SAV1: variants seen among roughly 807,000 people sequenced by gnomAD.
The protein encoded by SAV1 is salvador family WW domain containing protein 1.
A neutral mutation model predicts 47.3 loss-of-function variants in SAV1; 23 were observed. The ratio of observed to expected loss-of-function variants is 0.49; its 90% CI spans 0.35 to 0.69. SAV1 has a LOEUF of 0.69. SAV1 is among the 30% of genes least tolerant of loss of function. SAV1 has a pLI of 0.01. For missense variants in SAV1, 448 were observed against 457.4 expected (o/e 0.98, Z 0.19); for synonymous variants, 155 against 159.2 (o/e 0.97, Z 0.20).
intron 2 of SAV1, among the ~76,000 whole-genome samples, chr14:50,651,966 T>C (rs760517926): frequency 6.6e-6 from 1 of 152,192 alleles, no homozygotes; most frequent in Non-Finnish European, 1.5e-5. Context: ...CATCGGGAAA[T>C]ATCCTAAATT....
chr14:50,641,913 G>A (rs2039683232), intron 3 of SAV1, among the ~76,000 whole-genome samples: 1 of 152,186 alleles, frequency 6.6e-6, no homozygotes, highest in Non-Finnish European at 1.5e-5. Flanking sequence ...GTGTGCACAT[G>A]TTAATTGCAG....
At chr14:50,641,978 G>C (rs188839493) in intron 3 of SAV1, among the ~76,000 whole-genome samples, 1 of 152,110 alleles carries the variant, frequency 6.6e-6, no homozygotes, top group African/African-American at 2.4e-5. Flanking sequence ...TCAATGGTGG[G>C]CTGGATAAAG....
intron 4 of SAV1, among the ~76,000 whole-genome samples, chr14:50,639,697 C>A (rs1398548182): frequency 6.6e-6 from 1 of 151,972 alleles, no homozygotes; most frequent in Non-Finnish European, 1.5e-5. Flanking sequence ...ATCTCTTCCC[C>A]CAAAAAGGAA....
intron 2 of SAV1, among the ~76,000 whole-genome samples, chr14:50,648,604 C>T (rs1192359302): frequency 6.6e-6 from 1 of 151,954 alleles, no homozygotes; most frequent in East Asian, 1.9e-4. Flanking sequence ...ACGGTGAAAC[C>T]CCATCTCTAC....
chr14:50,635,290 G>C lies in SAV1; in HGVS notation c.1045C>G (p.Gln349Glu). ...LKLLFMKELE[Q>E]IVKMYEAYRQ... ...TATGCTTCATACATTTTAACAATCT[G>C]CTCCAATTCTTTCATGAAGAGCAAC... The change falls in exon 5 of 5, where the codon CAG becomes GAG. Residue 349 changes from glutamine to glutamate, a missense_variant. By Grantham distance (29) the Gln-to-Glu change is conservative. Transcript: ENST00000324679. 1 of 1,614,036 alleles carries C rather than the reference G, an allele frequency of 6.2e-7. No homozygotes were observed. Among genetic ancestry groups the C allele is most frequent in the Non-Finnish European group, 8.5e-7 (1 of 1,179,982 alleles).
Position 50,634,279 on chromosome 14 carries a change from G to A in SAV1, c.*904C>T, listed in dbSNP as rs1013311658. 3.0e-5 allele frequency: 11 copies of A among 367,328 alleles called. No homozygotes were observed. The highest frequency in any genetic ancestry group is 1.6e-4 in the East Asian group (2 of 12,252). The allele number at this position is 367,328 out of a possible 1,614,324, so 22.8% of individuals were successfully genotyped here. A position where few individuals can be genotyped will look rare whatever the true frequency, so the allele number is the denominator to read the frequency against. On this transcript the variant is annotated 3_prime_UTR_variant, in exon 5 of 5. Coordinates refer to ENST00000324679, the MANE Select transcript of SAV1 (RefSeq NM_021818.4). ...GTATTCCTGAAAGATTAAAAGGCCC[G>A]TCACCCATTCATACCAAAAAATACT... is the stretch of plus-strand genomic sequence containing the variant.
At chr14:50,657,493 G>C (rs556709571) in intron 2 of SAV1, among the ~76,000 whole-genome samples, 1 of 152,262 alleles carries the variant, frequency 6.6e-6, no homozygotes, top group Non-Finnish European at 1.5e-5. Context: ...GTGGTATAAG[G>C]TCAAATGCAA....
At chr14:50,661,483 G>T (rs1017771587) in intron 2 of SAV1, among the ~76,000 whole-genome samples, 6 of 152,118 alleles carry the variant, frequency 3.9e-5, no homozygotes, top group African/African-American at 1.4e-4. Flanking sequence ...TTTGTTGCCT[G>T]TGCTTTTGAG....
intron 2 of SAV1, among the ~76,000 whole-genome samples, chr14:50,659,073 ATTTTT>A (rs33946852): frequency 7.6e-5 from 10 of 131,140 alleles, no homozygotes; most frequent in African/African-American, 1.2e-4. Flanking sequence ...GCTGTAAAGA[ATTTTT>A]TTTTTTTTTT....
chr14:50,661,147 T>C (rs923619620), intron 2 of SAV1, among the ~76,000 whole-genome samples: 3 of 152,250 alleles, frequency 2.0e-5, no homozygotes, highest in Non-Finnish European at 2.9e-5. Flanking sequence ...TTTTTAACAA[T>C]AGCCATTCTG....
At chr14:50,640,210 C>T (rs2039670318) in intron 4 of SAV1, among the ~76,000 whole-genome samples, 1 of 152,178 alleles carries the variant, frequency 6.6e-6, no homozygotes, top group South Asian at 2.1e-4. Context: ...ACTTGAACTC[C>T]TCAGATCAAG....
intron 3 of SAV1, among the ~76,000 whole-genome samples, chr14:50,642,036 GAACA>G (rs2039684303): frequency 6.6e-6 from 1 of 152,140 alleles, no homozygotes; most frequent in Non-Finnish European, 1.5e-5. Flanking sequence ...CCATAAAAAA[GAACA>G]AGAGCATGTA....
At position 50,640,680 on chromosome 14, in the gene SAV1, G is replaced by A. The variant is rs1488729945; in HGVS notation, c.950+70C>T. 18 of 1,399,898 alleles carry A rather than the reference G, an allele frequency of 1.3e-5. No individual in the cohort carries two copies. In the East Asian group the frequency reaches 3.4e-4, roughly 26 times the overall value. 86.7% of individuals were successfully genotyped at this position (1,399,898 alleles called of 1,614,324 possible). A position where few individuals can be genotyped will look rare whatever the true frequency, so the allele number is the denominator to read the frequency against. Reference sequence around the variant, plus strand: ...TAAAATATGGCACACTACTTGGATCGAGCAGCCCAGAGACTCCATTCAGCC... The same window carrying A: ...TAAAATATGGCACACTACTTGGATCAAGCAGCCCAGAGACTCCATTCAGCC... On this transcript the variant is annotated intron_variant, in intron 4 of 4. Transcript: ENST00000324679.
intron 2 of SAV1, among the ~76,000 whole-genome samples, chr14:50,660,428 G>C (rs967792088): frequency 2.6e-5 from 4 of 152,102 alleles, no homozygotes; most frequent in Non-Finnish European, 5.9e-5. Context: ...TCAGTGTTCT[G>C]CTCTATTCGG....
At chr14:50,635,703 A>G (rs2039629220) in intron 4 of SAV1, among the ~76,000 whole-genome samples, 1 of 152,146 alleles carries the variant, frequency 6.6e-6, no homozygotes, top group South Asian at 2.1e-4. Flanking sequence ...CTATTTACAT[A>G]TAATTCTTTG....
chr14:50,644,229 A>C (rs76141309), intron 3 of SAV1, among the ~76,000 whole-genome samples: 12,036 of 152,314 alleles, frequency 0.079, 651 homozygotes, highest in Middle Eastern at 0.16. Context: ...CAATCAAAAC[A>C]GCACAAAGAA....
chr14:50,649,717 C>T (rs577253289), intron 2 of SAV1, among the ~76,000 whole-genome samples: 1 of 152,240 alleles, frequency 6.6e-6, no homozygotes, highest in East Asian at 1.9e-4. Flanking sequence ...AACAGTTGCA[C>T]CCCAGACAAA....
At position 50,633,951 on chromosome 14, in the gene SAV1, G is replaced by A. The variant is rs1439819189; in HGVS notation, c.*1232C>T. On this transcript the variant is annotated 3_prime_UTR_variant, in exon 5 of 5. Coordinates refer to ENST00000324679, the MANE Select transcript of SAV1 (RefSeq NM_021818.4). Reference sequence around the variant, plus strand: ...TGTTTTAACTATTAAACCAAAAGGGGAGAAAAACTGGGAGGGAAATATATG... The same window carrying A: ...TGTTTTAACTATTAAACCAAAAGGGAAGAAAAACTGGGAGGGAAATATATG... The A allele has an allele frequency of 5.3e-6, 1 of 187,950 alleles. No homozygotes were observed. Among genetic ancestry groups the A allele is most frequent in the Non-Finnish European group, 1.2e-5 (1 of 86,236 alleles). The allele number at this position is 187,950 out of a possible 1,614,324, so 11.6% of individuals were successfully genotyped here.
intron 3 of SAV1, among the ~76,000 whole-genome samples, chr14:50,641,200 G>A (rs926194740): frequency 6.6e-6 from 1 of 152,310 alleles, no homozygotes; most frequent in East Asian, 1.9e-4. Context: ...CAGAAAGGTT[G>A]ACAGTTTCTA....
Sources: gnomAD v4.1 joint callset for allele counts (sites outside exome capture counted in the v4.1 genomes callset) on GRCh38, gnomAD v4.1.1 for gene constraint, MANE v1.5 for transcripts, NCBI Gene and HGNC (gene_info 2026-07-23, HGNC 2026-07-21) for gene names.